Variants in TMF1 observed in about 807,000 individuals in gnomAD.
The protein encoded by TMF1 is TATA element modulatory factor 1, also known as TATA element modulatory factor.
In TMF1, 71 loss-of-function variants were observed where a neutral mutation model predicts 126.5. The observed-to-expected ratio is 0.56, with a 90% confidence interval of 0.46 to 0.68. The LOEUF (loss-of-function observed/expected upper bound fraction) is 0.68, where lower values mean the gene tolerates loss of function less well. Among genes scored for constraint, TMF1 ranks in the 30% least tolerant of loss-of-function variants. The probability of loss-of-function intolerance (pLI) is 0.00; values close to 1 mark genes in which losing one functional copy is unlikely to be tolerated. For synonymous variants in TMF1, 461 were observed against 430.5 expected (o/e 1.07, Z -0.88); for missense variants, 1,259 against 1,253.2 (o/e 1.00, Z -0.07).
At chr3:69,025,536 T>C (rs1471535241) in intron 15 of TMF1, 24 bp downstream of exon 15, 11 of 1,597,014 alleles carry the variant, frequency 6.9e-6, no homozygotes, top group Non-Finnish European at 9.4e-6. Context: ...TTTACTTCTA[T>C]AGCAAATTTA....
intron 15 of TMF1, 117 bp downstream of exon 15, chr3:69,025,443 T>G: frequency 9.8e-7 from 1 of 1,022,878 alleles, no homozygotes. Context: ...GGGCTTCACA[T>G]GCCACTATGT....
intron 16 of TMF1, 100 bp from the exon 17 acceptor site, chr3:69,023,420 A>T (rs1159177012): frequency 1.0e-6 from 1 of 965,442 alleles, no homozygotes; most frequent in Admixed American, 3.0e-5. Flanking sequence ...CTACAATTTA[A>T]ATAAAAGTAT....
chr3:69,032,610 A>C (rs973222345), intron 10 of TMF1, among the ~76,000 whole-genome samples: 24 of 116,922 alleles, frequency 2.1e-4, no homozygotes, highest in Non-Finnish European at 3.6e-4. Flanking sequence ...CAGAATATGG[A>C]ATCTTTTTTT....
chr3:69,047,802 AC>A lies in TMF1; in HGVS notation c.902del (p.Cys301PhefsTer7), dbSNP rs2091903917. On this transcript the variant is annotated frameshift_variant, in exon 2 of 17. Transcript: ENST00000398559. LOFTEE classifies it high-confidence loss of function. ...AATCATCTAAACGATTATATTCAGG[AC>A]AAGCAGATGCAGAGAGAAGCTGAAA... The part of the protein sequence containing the change: ...TSFQLLSASA[C>X]PEYNRLDDFQ... 6.2e-7 allele frequency: 1 copy of A among 1,614,084 alleles called. No individual in the cohort carries two copies. Among genetic ancestry groups the A allele is most frequent in the African/African-American group, 1.3e-5 (1 of 75,050 alleles).
chr3:69,024,641 G>A (rs912304666), intron 15 of TMF1, among the ~76,000 whole-genome samples: 2 of 152,040 alleles, frequency 1.3e-5, no homozygotes, highest in African/African-American at 4.8e-5. Context: ...ATTCAGATTA[G>A]TCTGATCTAC....
At chr3:69,051,180 T>C (rs184409179) in intron 1 of TMF1, among the ~76,000 whole-genome samples, 27 of 152,176 alleles carry the variant, frequency 1.8e-4, no homozygotes, top group African/African-American at 6.3e-4. Flanking sequence ...GTTCTGAAGA[T>C]GAGAAGGCCA....
Position 69,038,612 on chromosome 3 carries a change from C to A in TMF1, c.2103G>T (p.Glu701Asp), listed in dbSNP as rs1435900261. 6.2e-7 allele frequency: 1 copy of A among 1,614,170 alleles called. No homozygotes were observed. The highest frequency in any genetic ancestry group is 8.5e-7 in the Non-Finnish European group (1 of 1,180,020). Residue 701 changes from glutamate to aspartate, a missense_variant, in exon 8 of 17, where the codon GAG (glutamate) becomes GAT (aspartate). Transcript: ENST00000398559. ...GCTGACGGGCTTCTTCTTGGGCCTT[C>A]TCTAATGCTGCAGAAAGTTCTTCTT... ...KAKEELSAAL[E>D]KAQEEARQQQ...
chr3:69,035,713 T>G (rs1308722413), intron 8 of TMF1, among the ~76,000 whole-genome samples: 1 of 152,144 alleles, frequency 6.6e-6, no homozygotes, highest in Non-Finnish European at 1.5e-5. Context: ...GTTGCAAATG[T>G]CGATACAACA....
At chr3:69,030,998 ACGT>A (rs2091798655) in intron 10 of TMF1, among the ~76,000 whole-genome samples, 1 of 152,224 alleles carries the variant, frequency 6.6e-6, no homozygotes, top group Non-Finnish European at 1.5e-5. Flanking sequence ...ATCAGCCTGG[ACGT>A]CCCTTGTGCA....
Position 69,048,559 on chromosome 3 carries a change from A to G in TMF1, c.146T>C (p.Ile49Thr), listed in dbSNP as rs1483572550. ...AETIPYGEPG[I>T]SSPVSGGWDT... ...CCATCCTCCACTGACAGGGGAACTT[A>G]TTCCTTTAACAAAAAAGTAAATATT... The change falls in exon 2 of 17, where the codon ATA becomes ACA. Residue 49 changes from isoleucine to threonine, a missense_variant. Coordinates refer to ENST00000398559, the MANE Select transcript of TMF1 (RefSeq NM_007114.3). The G allele has an allele frequency of 1.3e-5, 20 of 1,571,532 alleles. No homozygotes were observed. The highest frequency in any genetic ancestry group is 1.5e-5 in the Non-Finnish European group (18 of 1,162,314).
chr3:69,043,971 T>G, intron 3 of TMF1, 95 bp from the exon 4 acceptor site: 1 of 1,007,034 alleles, frequency 9.9e-7, no homozygotes, highest in Non-Finnish European at 1.4e-6. Flanking sequence ...AACTTTTCTC[T>G]GACATATACC....
chr3:69,035,963 T>C (rs2091829138), intron 8 of TMF1, among the ~76,000 whole-genome samples: 1 of 152,088 alleles, frequency 6.6e-6, no homozygotes, highest in Non-Finnish European at 1.5e-5. Flanking sequence ...TCTGTATTAT[T>C]ATTATTCTAA....
intron 5 of TMF1, chr3:69,042,580 G>A (rs1204936126): frequency 3.2e-6 from 2 of 633,152 alleles, no homozygotes; most frequent in African/African-American, 1.8e-5. Flanking sequence ...ATTTTACAGG[G>A]ACTTACTTTT....
intron 2 of TMF1, among the ~76,000 whole-genome samples, chr3:69,046,059 C>T (rs975464883): frequency 1.3e-5 from 2 of 151,970 alleles, no homozygotes; most frequent in African/African-American, 4.8e-5. Flanking sequence ...CTGTGAGCCG[C>T]GATCGCACCA....
intron 5 of TMF1, among the ~76,000 whole-genome samples, chr3:69,040,864 G>A (rs2091860142): frequency 6.6e-6 from 1 of 151,808 alleles, no homozygotes; most frequent in Admixed American, 6.6e-5. Context: ...GGAGGTTGCA[G>A]TGAGCCGGGA....
chr3:69,031,361 C>T (rs989795469), intron 10 of TMF1, among the ~76,000 whole-genome samples: 2 of 152,010 alleles, frequency 1.3e-5, no homozygotes, highest in Admixed American at 1.3e-4. Context: ...AGTGTTGGAA[C>T]TGTTCAATAT....
rs2091740092 is a variant in TMF1 at position 69,021,860 on chromosome 3, T to C, written c.*1317A>G. The C allele has an allele frequency of 6.6e-6, 1 of 152,214 alleles. No homozygotes were observed. The highest frequency in any genetic ancestry group is 2.4e-5 in the African/African-American group (1 of 41,424). The allele number at this position is 152,214 out of a possible 1,614,324, so 9.4% of individuals were successfully genotyped here. On this transcript the variant is annotated 3_prime_UTR_variant, in exon 17 of 17. Transcript: ENST00000398559. ...CACGCCAGGCTAATTTTTGTATTTTTAGTAGAGATGGGGTTTCACCAAACT... is the reference window on the plus strand; with the variant it reads ...CACGCCAGGCTAATTTTTGTATTTTCAGTAGAGATGGGGTTTCACCAAACT...
chr3:69,037,359 G>T (rs1451976665), intron 8 of TMF1, among the ~76,000 whole-genome samples: 1 of 152,184 alleles, frequency 6.6e-6, no homozygotes, highest in Non-Finnish European at 1.5e-5. Context: ...TAGCAGGGTG[G>T]CCGGGCATGG....
At chr3:69,043,636 G>A in intron 4 of TMF1, 114 bp downstream of exon 4, 2 of 1,030,486 alleles carry the variant, frequency 1.9e-6, no homozygotes, top group South Asian at 1.9e-5. Flanking sequence ...GTTAATAGAT[G>A]ATATCCTTTT....
Sources: gnomAD v4.1 joint callset for allele counts (sites outside exome capture counted in the v4.1 genomes callset) on GRCh38, gnomAD v4.1.1 for gene constraint, MANE v1.5 for transcripts, NCBI Gene and HGNC (gene_info 2026-07-23, HGNC 2026-07-21) for gene names.